CSMD1: variants seen among roughly 807,000 people sequenced by gnomAD.
CSMD1 encodes CUB and Sushi multiple domains 1.
Under a neutral mutation model 417.5 loss-of-function variants are expected in CSMD1, and 213 were observed. The ratio of observed to expected loss-of-function variants is 0.51; its 90% CI spans 0.46 to 0.57. The LOEUF is 0.57. Ranked by LOEUF, CSMD1 falls within the 20% of genes least tolerant of loss-of-function variation. The probability of loss-of-function intolerance (pLI) is 0.00; values close to 1 mark genes in which losing one functional copy is unlikely to be tolerated. For missense variants in CSMD1, 6,923 were observed against 4,529.7 expected, an observed-to-expected ratio of 1.53 and a Z score of -15.17; for synonymous variants, 2,862 against 1,736.8, an observed-to-expected ratio of 1.65 and a Z score of -16.11.
At chr8:4,464,981 C>G (rs948232098) in intron 2 of CSMD1, among the ~76,000 whole-genome samples, 1 of 152,134 alleles carries the variant, frequency 6.6e-6, no homozygotes. Context: ...ACCAGAATGA[C>G]TTCTTTTTCC....
intron 2 of CSMD1, among the ~76,000 whole-genome samples, chr8:4,542,544 A>G (rs1223586791): frequency 1.3e-5 from 2 of 152,206 alleles, no homozygotes; most frequent in African/African-American, 4.8e-5. Context: ...AAATTAGAAG[A>G]TAAAAGGGTG....
intron 1 of CSMD1, among the ~76,000 whole-genome samples, chr8:4,899,621 C>T (rs1342265487): frequency 6.6e-6 from 1 of 152,114 alleles, no homozygotes; most frequent in African/African-American, 2.4e-5. Context: ...GGTTACATAA[C>T]ATATAGGGTT....
At chr8:3,174,017 A>G (rs1820748747) in intron 37 of CSMD1, among the ~76,000 whole-genome samples, 1 of 152,182 alleles carries the variant, frequency 6.6e-6, no homozygotes, top group East Asian at 1.9e-4. Flanking sequence ...ACCTGTTTTG[A>G]GATGAGGAAA....
rs540163335 is a variant in CSMD1, at chr8:3,043,119, T to C, written c.7660+9343A>G. Among the ~76,000 whole-genome samples the C allele has an allele frequency of 2.7e-5, 4 of 150,586 alleles. No homozygotes were observed. The East Asian group carries it at 7.8e-4, about 29-fold the overall frequency. On this transcript the variant is annotated intron_variant, in intron 50 of 69. Coordinates refer to ENST00000635120, the MANE Select transcript of CSMD1 (RefSeq NM_033225.6). The stretch of plus-strand genomic sequence containing the variant: ...ACAGTACTAGGTCACTATGGTGATA[T>C]ATATATAGTACATATATATAGTGAT...
chr8:4,294,552 C>A (rs1040995739), intron 3 of CSMD1, among the ~76,000 whole-genome samples: 3 of 152,140 alleles, frequency 2.0e-5, no homozygotes, highest in Admixed American at 2.0e-4. Flanking sequence ...AATCACTTGT[C>A]CATGGTGCCA....
intron 23 of CSMD1, among the ~76,000 whole-genome samples, chr8:3,328,186 T>A (rs1396686552): frequency 1.3e-5 from 2 of 152,218 alleles, no homozygotes; most frequent in African/African-American, 2.4e-5. Context: ...CATCTCTAAT[T>A]AAACCGATGC....
At chr8:3,193,813 C>T (rs1327121677) in intron 33 of CSMD1, among the ~76,000 whole-genome samples, 3 of 152,108 alleles carry the variant, frequency 2.0e-5, no homozygotes, top group Admixed American at 6.6e-5. Flanking sequence ...GCTCATCTGT[C>T]GGGAAAAGCC....
chr8:3,487,023 C>T (rs1048646805), intron 11 of CSMD1, among the ~76,000 whole-genome samples: 2 of 152,144 alleles, frequency 1.3e-5, no homozygotes, highest in Non-Finnish European at 2.9e-5. Flanking sequence ...CTCTCACACA[C>T]AGAAGGTGAC....
At chr8:3,447,342 G>C (rs1296165457) in intron 12 of CSMD1, among the ~76,000 whole-genome samples, 1 of 148,392 alleles carries the variant, frequency 6.7e-6, no homozygotes, top group Non-Finnish European at 1.5e-5. Flanking sequence ...ATCAGTAACT[G>C]AGTCTCAGAA....
At chr8:3,181,884 G>A (rs1391374756) in intron 36 of CSMD1, among the ~76,000 whole-genome samples, 1 of 152,330 alleles carries the variant, frequency 6.6e-6, no homozygotes, top group African/African-American at 2.4e-5. Flanking sequence ...GCTGGCAGGT[G>A]CTGAGGAAAA....
At chr8:4,004,420 CT>C (rs5889009) in intron 4 of CSMD1, among the ~76,000 whole-genome samples, 5,518 of 139,078 alleles carry the variant, frequency 0.04, 229 homozygotes, top group East Asian at 0.2. Flanking sequence ...TGCCATGAAT[CT>C]TTTTTTTTTT....
intron 50 of CSMD1, among the ~76,000 whole-genome samples, chr8:3,032,728 C>G (rs74894893): frequency 9.9e-5 from 15 of 151,964 alleles, no homozygotes; most frequent in South Asian, 2.1e-4. Context: ...TACACTCAAC[C>G]CCCCCAACTC....
At chr8:4,925,815 G>C (rs1293923035) in intron 1 of CSMD1, among the ~76,000 whole-genome samples, 1 of 152,156 alleles carries the variant, frequency 6.6e-6, no homozygotes, top group Non-Finnish European at 1.5e-5. Context: ...CCAAAGTGTT[G>C]GGATTACAGG....
chr8:3,511,793 A>G (rs915275253), intron 10 of CSMD1, among the ~76,000 whole-genome samples: 2 of 151,536 alleles, frequency 1.3e-5, no homozygotes, highest in African/African-American at 2.4e-5. Context: ...ATAACATAAC[A>G]TAACATAACA....
intron 52 of CSMD1, among the ~76,000 whole-genome samples, chr8:3,008,213 G>C (rs946420336): frequency 2.0e-5 from 3 of 152,208 alleles, no homozygotes; most frequent in African/African-American, 7.2e-5. Context: ...CTAATTTCTT[G>C]ATTGGTCAAG....
intron 5 of CSMD1, among the ~76,000 whole-genome samples, chr8:3,756,030 T>A (rs1030770643): frequency 6.6e-6 from 1 of 152,090 alleles, no homozygotes; most frequent in African/African-American, 2.4e-5. Flanking sequence ...TCTGTGCCAC[T>A]CACCTGTACT....
intron 1 of CSMD1, among the ~76,000 whole-genome samples, chr8:4,894,848 A>G (rs1804373622): frequency 6.6e-6 from 1 of 152,098 alleles, no homozygotes; most frequent in South Asian, 2.1e-4. Context: ...AATTTTTATT[A>G]AGGTTCTCTG....
intron 5 of CSMD1, among the ~76,000 whole-genome samples, chr8:3,770,299 C>CG (rs1483525628): frequency 6.6e-6 from 1 of 151,706 alleles, no homozygotes; most frequent in Non-Finnish European, 1.5e-5. Context: ...AGGCCGAGGG[C>CG]GGGGGTGGAT....
At chr8:3,829,373 C>A (rs982399489) in intron 5 of CSMD1, among the ~76,000 whole-genome samples, 2 of 152,094 alleles carry the variant, frequency 1.3e-5, no homozygotes, top group Non-Finnish European at 2.9e-5. Flanking sequence ...CAAACTATAC[C>A]CCTTCAGAGA....
Sources: gnomAD v4.1 joint callset for allele counts (sites outside exome capture counted in the v4.1 genomes callset) on GRCh38, gnomAD v4.1.1 for gene constraint, MANE v1.5 for transcripts, NCBI Gene and HGNC (gene_info 2026-07-23, HGNC 2026-07-21) for gene names.